The following LDB2 variants were observed in gnomAD, a reference collection of about 807,000 sequenced individuals.
The protein encoded by LDB2 is LIM domain binding 2, also known as LIM domain-binding protein 2.
A neutral mutation model predicts 44.3 loss-of-function variants in LDB2; 12 were observed. The observed-to-expected ratio is 0.27, with a 90% CI of 0.17 to 0.44. The LOEUF (loss-of-function observed/expected upper bound fraction) is 0.44. Ranked by LOEUF, LDB2 falls within the 20% of genes least tolerant of loss-of-function variation. The pLI is 1.00. For missense variants in LDB2, 344 were observed against 473.5 expected (o/e 0.73, Z 2.54); for synonymous variants, 164 against 174.8 (o/e 0.94, Z 0.49).
At chr4:16,797,782 A>G (rs568794435) in intron 1 of LDB2, among the ~76,000 whole-genome samples, 84 of 151,980 alleles carry the variant, frequency 5.5e-4, no homozygotes, top group African/African-American at 1.9e-3. Context: ...CTCCCCTGTA[A>G]TCCCAGCATT....
chr4:16,652,714 C>G (rs987682788), intron 2 of LDB2, among the ~76,000 whole-genome samples: 1 of 152,148 alleles, frequency 6.6e-6, no homozygotes, highest in Admixed American at 6.5e-5. Flanking sequence ...CAAAATACAC[C>G]AGGTGTGAAG....
intron 1 of LDB2, among the ~76,000 whole-genome samples, chr4:16,813,814 G>T (rs887303387): frequency 6.6e-6 from 1 of 151,746 alleles, no homozygotes; most frequent in Non-Finnish European, 1.5e-5. Context: ...TGTTTTGTTC[G>T]TTTGGGCTTT....
chr4:16,563,774 A>G (rs1743456986), intron 5 of LDB2, among the ~76,000 whole-genome samples: 1 of 151,852 alleles, frequency 6.6e-6, no homozygotes, highest in Non-Finnish European at 1.5e-5. Context: ...GATATTCTAA[A>G]CCAGCATAGC....
rs542958957 is a variant in LDB2, at chr4:16,564,589, C to G, written c.615+21333G>C. On this transcript the variant is annotated intron_variant, in intron 5 of 7. Transcript: ENST00000304523. ...CATCAAAGTGTGCTAATTTTTCTTT[C>G]CTAAAATCTTTCAAATGCATTCACT... 3.3e-5 allele frequency among the ~76,000 whole-genome samples: 5 copies of G among 152,272 alleles called. No homozygotes were observed. In the South Asian group the frequency reaches 1.0e-3, roughly 32 times the overall value.
rs533022653 is a variant in LDB2 at position 16,810,553 on chromosome 4, C to A, written c.133-51293G>T. Among the ~76,000 whole-genome samples, 8 of 150,724 alleles carry A rather than the reference C, an allele frequency of 5.3e-5. No individual in the cohort carries two copies. In the East Asian group the frequency reaches 1.4e-3, roughly 26 times the overall value. Reference sequence around the variant, plus strand: ...TGTCCTTAGAAAGATGAACAGCTATCAAATCAGTAAAAGGTTTTCAGAGAG... The same window carrying A: ...TGTCCTTAGAAAGATGAACAGCTATAAAATCAGTAAAAGGTTTTCAGAGAG... On this transcript the variant is annotated intron_variant, in intron 1 of 7. Coordinates refer to ENST00000304523, the MANE Select transcript of LDB2 (RefSeq NM_001290.5).
chr4:16,676,950 C>A (rs565823092), intron 2 of LDB2, among the ~76,000 whole-genome samples: 3 of 152,228 alleles, frequency 2.0e-5, no homozygotes, highest in Admixed American at 1.3e-4. Flanking sequence ...AGAACAGAGA[C>A]CCTGCTTTTT....
chr4:16,766,081 TTTTCC>T (rs900892758), intron 1 of LDB2, among the ~76,000 whole-genome samples: 2 of 152,136 alleles, frequency 1.3e-5, no homozygotes, highest in African/African-American at 2.4e-5. Context: ...TATTATTGCA[TTTTCC>T]TTTTCTAAAG....
intron 1 of LDB2, among the ~76,000 whole-genome samples, chr4:16,788,899 C>T (rs1775092432): frequency 2.0e-5 from 3 of 152,160 alleles, no homozygotes; most frequent in African/African-American, 7.2e-5. Flanking sequence ...AGCCAGCAGC[C>T]CACTGCAGCA....
intron 2 of LDB2, among the ~76,000 whole-genome samples, chr4:16,673,350 A>G (rs1745418248): frequency 6.6e-6 from 1 of 152,214 alleles, no homozygotes; most frequent in African/African-American, 2.4e-5. Flanking sequence ...CTAATTGTTG[A>G]CTAAATGAAT....
At chr4:16,513,594 C>T (rs1722599070) in intron 5 of LDB2, among the ~76,000 whole-genome samples, 1 of 152,150 alleles carries the variant, frequency 6.6e-6, no homozygotes, top group Non-Finnish European at 1.5e-5. Context: ...ATCTAAGAAA[C>T]ACTTCCATCA....
intron 1 of LDB2, among the ~76,000 whole-genome samples, chr4:16,874,039 T>A (rs1230606238): frequency 6.6e-6 from 1 of 152,212 alleles, no homozygotes; most frequent in Admixed American, 6.5e-5. Flanking sequence ...ATTTTGTTTA[T>A]CCAGTCATCG....
intron 2 of LDB2, among the ~76,000 whole-genome samples, chr4:16,682,665 G>C (rs116092678): frequency 3.9e-4 from 60 of 152,168 alleles, no homozygotes; most frequent in African/African-American, 1.3e-3. Flanking sequence ...TCCCTTCTTC[G>C]TTCCCCAGAG....
intron 2 of LDB2, among the ~76,000 whole-genome samples, chr4:16,650,495 T>C (rs1737981785): frequency 6.6e-6 from 1 of 152,226 alleles, no homozygotes; most frequent in African/African-American, 2.4e-5. Context: ...TTTTATAAGA[T>C]ATACAGTCAT....
intron 2 of LDB2, among the ~76,000 whole-genome samples, chr4:16,598,997 G>C (rs1221449702): frequency 1.3e-5 from 2 of 151,840 alleles, no homozygotes; most frequent in Non-Finnish European, 2.9e-5. Context: ...TAAACACTGA[G>C]AGAATAAAGA....
At chr4:16,610,295 G>A (rs114277256) in intron 2 of LDB2, among the ~76,000 whole-genome samples, 11,928 of 152,110 alleles carry the variant, frequency 0.078, 544 homozygotes, top group African/African-American at 0.097. Flanking sequence ...AAAGGCCAGA[G>A]TGCCTCGTCT....
intron 2 of LDB2, among the ~76,000 whole-genome samples, chr4:16,741,087 C>T (rs1763150187): frequency 6.6e-6 from 1 of 152,130 alleles, no homozygotes; most frequent in African/African-American, 2.4e-5. Flanking sequence ...TCAAATTCTG[C>T]TTTGCTTCTG....
At chr4:16,548,764 G>C (rs1238032454) in intron 5 of LDB2, among the ~76,000 whole-genome samples, 1 of 152,180 alleles carries the variant, frequency 6.6e-6, no homozygotes, top group East Asian at 1.9e-4. Context: ...AAATGTAATA[G>C]TCACTCACTA....
At chr4:16,599,022 C>T (rs919233052) in intron 2 of LDB2, among the ~76,000 whole-genome samples, 2 of 151,940 alleles carry the variant, frequency 1.3e-5, no homozygotes, top group African/African-American at 2.4e-5. Flanking sequence ...GTGATGAGAG[C>T]GATCAGCTAC....
intron 1 of LDB2, among the ~76,000 whole-genome samples, chr4:16,859,371 C>G (rs543515402): frequency 6.6e-6 from 1 of 152,204 alleles, no homozygotes. Flanking sequence ...GTTTCAATCA[C>G]GTGCACCTTA....
Sources: gnomAD v4.1 joint callset for allele counts (sites outside exome capture counted in the v4.1 genomes callset) on GRCh38, gnomAD v4.1.1 for gene constraint, MANE v1.5 for transcripts, NCBI Gene and HGNC (gene_info 2026-07-23, HGNC 2026-07-21) for gene names.